The following ABCA13 variants were observed in gnomAD, a reference collection of about 807,000 sequenced individuals.
The protein encoded by ABCA13 is ATP binding cassette subfamily A member 13, also known as ATP-binding cassette sub-family A member 13.
A neutral mutation model predicts 478.7 loss-of-function variants in ABCA13; 476 were observed. That is an observed-to-expected ratio of 0.99 (90% CI 0.92 to 1.07). ABCA13 has a LOEUF of 1.07. Among genes scored for constraint, ABCA13 ranks in the 50% least tolerant of loss-of-function variants. The pLI is 0.00. For synonymous variants in ABCA13, 2,252 were observed against 2,158.9 expected (o/e 1.04, Z -1.20); for missense variants, 6,060 against 5,910.6 (o/e 1.03, Z -0.83).
rs138373727 is a variant in ABCA13, at chr7:48,491,210, A to T, written c.13291+1866A>T. Among the ~76,000 whole-genome samples the T allele has an allele frequency of 2.1e-3, 327 of 152,330 alleles. 2 individuals carry two copies. Among genetic ancestry groups the T allele is most frequent in the African/African-American group, 7.5e-3 (310 of 41,564 alleles). On this transcript the variant is annotated intron_variant, in intron 48 of 61. Coordinates refer to ENST00000435803, the MANE Select transcript of ABCA13 (RefSeq NM_152701.5). ...GATGAAAATGTGCGTAGGATTCAGAAAACTGGAGAGAAAAGTTTGGTAGAG... is the reference window on the plus strand; with the variant it reads ...GATGAAAATGTGCGTAGGATTCAGATAACTGGAGAGAAAAGTTTGGTAGAG...
In ABCA13 at chr7:48,291,306, G is replaced by C. The variant is rs145165905; in HGVS notation, c.8955+3228G>C. Reference sequence around the variant, plus strand: ...CTGTCACACGTTAGAAAATGGAGACGGGCTTGAGCTGAGCACTCCTTGTCA... The same window carrying C: ...CTGTCACACGTTAGAAAATGGAGACCGGCTTGAGCTGAGCACTCCTTGTCA... On this transcript the variant is annotated intron_variant, in intron 20 of 61. Coordinates refer to ENST00000435803, the MANE Select transcript of ABCA13 (RefSeq NM_152701.5). Among the ~76,000 whole-genome samples the C allele has an allele frequency of 5.5e-4, 83 of 152,274 alleles. No homozygotes were observed. In the East Asian group the frequency reaches 0.013, roughly 23 times the overall value.
chr7:48,219,092 G>A (rs1192831144), intron 3 of ABCA13, among the ~76,000 whole-genome samples: 1 of 152,146 alleles, frequency 6.6e-6, no homozygotes, highest in Non-Finnish European at 1.5e-5. Flanking sequence ...TTAAAAAATG[G>A]CTTATAAACA....
At position 48,630,937 on chromosome 7, in the gene ABCA13, T is replaced by C. The variant is rs567616119; in HGVS notation, c.14838-12351T>C. On this transcript the variant is annotated intron_variant, in intron 59 of 61. Transcript: ENST00000435803. The stretch of plus-strand genomic sequence containing the variant: ...GATGAGTATTTTTTTCATATGTTTG[T>C]TGGCTGCTTATAGATCTTCTTTTGA... Among the ~76,000 whole-genome samples the C allele has an allele frequency of 1.4e-4, 22 of 152,266 alleles. No individual in the cohort carries two copies. In the South Asian group the frequency reaches 3.9e-3, roughly 27 times the overall value.
At chr7:48,388,985 AT>A in intron 36 of ABCA13, 54 bp from the exon 37 acceptor site, 1 of 1,555,854 alleles carries the variant, frequency 6.4e-7, no homozygotes, top group Non-Finnish European at 8.8e-7. Flanking sequence ...AAATATGAGC[AT>A]TATTTTTAGG....
intron 55 of ABCA13, among the ~76,000 whole-genome samples, chr7:48,557,256 T>G (rs1449644171): frequency 6.6e-6 from 1 of 151,944 alleles, no homozygotes; most frequent in Non-Finnish European, 1.5e-5. Context: ...ATTATAATAT[T>G]CTGTATTTTT....
At chr7:48,260,258 T>C (rs1156492095) in intron 15 of ABCA13, among the ~76,000 whole-genome samples, 1 of 152,056 alleles carries the variant, frequency 6.6e-6, no homozygotes, top group East Asian at 1.9e-4. Flanking sequence ...TCTTTAACTG[T>C]GTTGTAATTT....
At position 48,552,857 on chromosome 7, in the gene ABCA13, A is replaced by G. The variant is rs374510699; in HGVS notation, c.14354+24512A>G. On this transcript the variant is annotated intron_variant, in intron 55 of 61. Coordinates refer to ENST00000435803, the MANE Select transcript of ABCA13 (RefSeq NM_152701.5). The stretch of plus-strand genomic sequence containing the variant: ...CAATTATACTATTAGTTATTTTAAA[A>G]TGTATAATTAAGTTATTATTGACTG... Among the ~76,000 whole-genome samples the G allele has an allele frequency of 1.6e-4, 24 of 151,762 alleles. No homozygotes were observed. The East Asian group carries it at 3.9e-3, about 24-fold the overall frequency.
At chr7:48,180,903 A>G (rs1461449022) in intron 1 of ABCA13, among the ~76,000 whole-genome samples, 1 of 151,686 alleles carries the variant, frequency 6.6e-6, no homozygotes, top group African/African-American at 2.4e-5. Flanking sequence ...CCTCACCTCA[A>G]ACAAAACAAA....
intron 51 of ABCA13, among the ~76,000 whole-genome samples, chr7:48,512,632 A>G (rs2130915379): frequency 6.6e-6 from 1 of 152,378 alleles, no homozygotes; most frequent in African/African-American, 2.4e-5. Context: ...AGGAGAGTAT[A>G]TCTCAAAAAC....
At chr7:48,340,029 T>C (rs1806887170) in intron 29 of ABCA13, among the ~76,000 whole-genome samples, 2 of 152,354 alleles carry the variant, frequency 1.3e-5, no homozygotes, top group East Asian at 3.9e-4. Context: ...AGGTGACTAT[T>C]TGAAGATATA....
At chr7:48,206,042 T>C (rs34782923) in intron 3 of ABCA13, among the ~76,000 whole-genome samples, 30,753 of 152,098 alleles carry the variant, frequency 0.2, 3,365 homozygotes, top group Middle Eastern at 0.26. Context: ...TCACCCCACA[T>C]CTTCAGATCC....
At chr7:48,376,316 A>T in intron 34 of ABCA13, 125 bp from the exon 35 acceptor site, 2 of 1,157,662 alleles carry the variant, frequency 1.7e-6, no homozygotes, top group East Asian at 2.4e-5. Flanking sequence ...AGTGATATTG[A>T]CCTTCTTTTT....
intron 42 of ABCA13, among the ~76,000 whole-genome samples, chr7:48,438,471 A>G (rs762282546): frequency 6.6e-6 from 1 of 151,848 alleles, no homozygotes; most frequent in Non-Finnish European, 1.5e-5. Flanking sequence ...ATGTCACTCT[A>G]TCCTCTTAAT....
rs181787606 is a variant in ABCA13 at position 48,585,090 on chromosome 7, A to T, written c.14506-2064A>T. ...GTGAGAAAAATTTGGACGAAGCTAC[A>T]TGACTACTTCTGCTATCTCTTTAAT... is the stretch of plus-strand genomic sequence containing the variant. On this transcript the variant is annotated intron_variant, in intron 56 of 61. Coordinates refer to ENST00000435803, the MANE Select transcript of ABCA13 (RefSeq NM_152701.5). Among the ~76,000 whole-genome samples, 398 of 152,304 alleles carry T rather than the reference A, an allele frequency of 2.6e-3. 1 individual carries two copies. Among genetic ancestry groups the T allele is most frequent in the Non-Finnish European group, 2.7e-3 (181 of 68,032 alleles).
At chr7:48,377,182 A>C (rs2082542) in intron 35 of ABCA13, among the ~76,000 whole-genome samples, 1 of 150,392 alleles carries the variant, frequency 6.6e-6, no homozygotes, top group East Asian at 2.0e-4. Flanking sequence ...GAGGACAAGT[A>C]TATCAATGGC....
intron 58 of ABCA13, among the ~76,000 whole-genome samples, chr7:48,598,753 A>G (rs776942476): frequency 6.6e-5 from 10 of 152,062 alleles, no homozygotes; most frequent in African/African-American, 1.7e-4. Context: ...TCTAAGAACT[A>G]TTTGTTCAAA....
Position 48,549,524 on chromosome 7 carries a change from A to G in ABCA13, c.14354+21179A>G, listed in dbSNP as rs1376546586. ...TACCATAAATAGTGTTGCAATAAAC[A>G]TACGTGTGCATGTGTCTTTATAGTA... On this transcript the variant is annotated intron_variant, in intron 55 of 61. Coordinates refer to ENST00000435803, the MANE Select transcript of ABCA13 (RefSeq NM_152701.5). Among the ~76,000 whole-genome samples the G allele has an allele frequency of 1.3e-5, 2 of 151,898 alleles. 1 individual carries two copies.
At chr7:48,257,734 T>C (rs189840342) in intron 15 of ABCA13, among the ~76,000 whole-genome samples, 58 of 152,302 alleles carry the variant, frequency 3.8e-4, no homozygotes, top group African/African-American at 1.4e-3. Flanking sequence ...TGCATCTATG[T>C]TCATCAAGCA....
intron 3 of ABCA13, among the ~76,000 whole-genome samples, chr7:48,213,813 C>T (rs552288940): frequency 6.6e-6 from 1 of 152,276 alleles, no homozygotes; most frequent in East Asian, 1.9e-4. Flanking sequence ...TAGATTCCAT[C>T]TCAAGAAACC....
Sources: allele counts gnomAD v4.1 joint callset (sites outside exome capture counted in the v4.1 genomes callset), GRCh38; gene constraint gnomAD v4.1.1; transcripts MANE v1.5; gene names NCBI Gene and HGNC (gene_info 2026-07-23, HGNC 2026-07-21).